The following PIEZO2 variants were observed in gnomAD, a reference collection of about 807,000 sequenced individuals.
PIEZO2 encodes the protein piezo type mechanosensitive ion channel component 2.
Under a neutral mutation model 337.3 loss-of-function variants are expected in PIEZO2, and 172 were observed. The observed-to-expected ratio is 0.51, with a 90% CI of 0.45 to 0.58. PIEZO2 has a LOEUF of 0.58. Ranked by LOEUF, PIEZO2 falls within the 20% of genes least tolerant of loss-of-function variation. The pLI is 0.00. For synonymous variants in PIEZO2, 1,251 were observed against 1,228.5 expected, an observed-to-expected ratio of 1.02 and a Z score of -0.38; for missense variants, 3,028 against 3,391.3, an observed-to-expected ratio of 0.89 and a Z score of 2.66.
At chr18:10,857,294 G>C in intron 5 of PIEZO2, 83 bp from the exon 6 acceptor site, 1 of 1,161,254 alleles carries the variant, frequency 8.6e-7, no homozygotes, top group Non-Finnish European at 1.2e-6. Context: ...TAATTCATGG[G>C]TCAGTCAACG....
chr18:10,705,204 G>A, intron 41 of PIEZO2, 132 bp downstream of exon 41: 1 of 1,200,600 alleles, frequency 8.3e-7, no homozygotes, highest in South Asian at 1.7e-5. Flanking sequence ...AGAAGTCTTG[G>A]AATTGTCTGT....
At chr18:10,852,820 G>A (rs1040825370) in intron 7 of PIEZO2, among the ~76,000 whole-genome samples, 1 of 152,160 alleles carries the variant, frequency 6.6e-6, no homozygotes, top group Non-Finnish European at 1.5e-5. Flanking sequence ...TAAGTGGTCA[G>A]GCATGAGTGG....
chr18:10,725,523 T>C, intron 36 of PIEZO2: 8 of 1,409,418 alleles, frequency 5.7e-6, no homozygotes, highest in Non-Finnish European at 6.7e-6. Flanking sequence ...CTGGGAGTCG[T>C]GGGAAGGAGG....
chr18:11,093,324 C>T (rs2039155237), intron 1 of PIEZO2, among the ~76,000 whole-genome samples: 1 of 152,192 alleles, frequency 6.6e-6, no homozygotes, highest in Admixed American at 6.5e-5. Flanking sequence ...TATCTTGAAG[C>T]AGTTCTAAAA....
At position 11,092,596 on chromosome 18, in the gene PIEZO2, G is replaced by C. The variant is rs2039128471; in HGVS notation, c.65-26374C>G. On this transcript the variant is annotated intron_variant, in intron 1 of 55. Coordinates refer to ENST00000674853, the MANE Select transcript of PIEZO2 (RefSeq NM_001378183.1). This position sits in a 1 kb window ranked among gnomAD's most constrained non-coding sequence, Gnocchi z 4.5. Reference sequence around the variant, plus strand: ...TTAAAATTCTTTTTTAAATTCCCTTGAAAAAACCTTAGACACAATTTTACA... The same window carrying C: ...TTAAAATTCTTTTTTAAATTCCCTTCAAAAAACCTTAGACACAATTTTACA... 6.6e-6 allele frequency among the ~76,000 whole-genome samples: 1 copy of C among 152,038 alleles called. No individual in the cohort carries two copies. Among genetic ancestry groups the C allele is most frequent in the African/African-American group, 2.4e-5 (1 of 41,398 alleles).
At position 10,813,289 on chromosome 18, in the gene PIEZO2, A is replaced by G. The variant is rs2040256812; in HGVS notation, c.918-6015T>C. 6.6e-6 allele frequency among the ~76,000 whole-genome samples: 1 copy of G among 152,162 alleles called. No homozygotes were observed. The highest frequency in any genetic ancestry group is 6.5e-5 in the Admixed American group (1 of 15,270). On this transcript the variant is annotated intron_variant, in intron 7 of 55. Transcript: ENST00000674853. This position sits in a 1 kb window ranked among gnomAD's most constrained non-coding sequence, Gnocchi z 4.2. The stretch of plus-strand genomic sequence containing the variant: ...CCACCGCGCCCGGGCCATTTTAAAC[A>G]TTTTTAAGAACACAGTTCAGTGGTA...
At chr18:11,138,110 C>T (rs1043820015) in intron 1 of PIEZO2, among the ~76,000 whole-genome samples, 5 of 152,150 alleles carry the variant, frequency 3.3e-5, no homozygotes, top group African/African-American at 1.2e-4. Context: ...TATTTTCAGA[C>T]TTCTGAGATG....
At chr18:10,911,735 C>CTTATTTTCTAGGTCTCA (rs1426599763) in intron 3 of PIEZO2, among the ~76,000 whole-genome samples, 1 of 145,166 alleles carries the variant, frequency 6.9e-6, no homozygotes, top group Admixed American at 7.1e-5. Context: ...GCCTGGGCGA[C>CTTATTTTCTAGGTCTCA]AAGAGCAAAA....
chr18:10,678,886 A>ATT (rs2034135807), intron 52 of PIEZO2, among the ~76,000 whole-genome samples: 1 of 149,108 alleles, frequency 6.7e-6, no homozygotes, highest in Non-Finnish European at 1.5e-5. Flanking sequence ...CTTCCCCAGT[A>ATT]TTGGTGGAAT....
At chr18:11,051,874 C>A (rs763065401) in intron 2 of PIEZO2, among the ~76,000 whole-genome samples, 7 of 152,172 alleles carry the variant, frequency 4.6e-5, no homozygotes, top group African/African-American at 1.7e-4. Flanking sequence ...AGCATCTATG[C>A]CAGCTTTGTG....
At chr18:10,705,799 G>A (rs934405076) in intron 40 of PIEZO2, 53 bp from the exon 41 acceptor site, 96 of 1,456,488 alleles carry the variant, frequency 6.6e-5, no homozygotes, top group Middle Eastern at 1.8e-4. Flanking sequence ...CCACACTCCT[G>A]GGGTTCTTTC....
intron 30 of PIEZO2, among the ~76,000 whole-genome samples, chr18:10,745,452 T>C (rs557820182): frequency 6.6e-6 from 1 of 152,252 alleles, no homozygotes; most frequent in South Asian, 2.1e-4. Flanking sequence ...TGCGGTCATG[T>C]CTCTAAGCCT....
At chr18:11,084,202 C>CAG (rs1351431278) in intron 1 of PIEZO2, among the ~76,000 whole-genome samples, 4 of 134,514 alleles carry the variant, frequency 3.0e-5, no homozygotes, top group African/African-American at 2.8e-5. Context: ...AAAAAAAAGA[C>CAG]AGAGAGAGAG....
At position 11,003,049 on chromosome 18, in the gene PIEZO2, T is replaced by C. The variant is rs559728173; in HGVS notation, c.161-23389A>G. ...CGTTGCATGAGGTCAAGGACAGCCTTAAGCACAAGGAGATTCTAACCTGGG... is the reference window on the plus strand; with the variant it reads ...CGTTGCATGAGGTCAAGGACAGCCTCAAGCACAAGGAGATTCTAACCTGGG... On this transcript the variant is annotated intron_variant, in intron 2 of 55. Coordinates refer to ENST00000674853, the MANE Select transcript of PIEZO2 (RefSeq NM_001378183.1). This position sits in a 1 kb window ranked among gnomAD's most constrained non-coding sequence, Gnocchi z 4.6. 4.6e-5 allele frequency among the ~76,000 whole-genome samples: 7 copies of C among 152,236 alleles called. No homozygotes were observed. In the East Asian group the frequency reaches 1.4e-3, roughly 29 times the overall value.
In PIEZO2 at chr18:10,746,526, C is replaced by T. The variant is rs1184732696; in HGVS notation, c.4424+1945G>A. On this transcript the variant is annotated intron_variant, in intron 30 of 55. Transcript: ENST00000674853. This position sits in a 1 kb window ranked among gnomAD's most constrained non-coding sequence, Gnocchi z 4.2. ...GCTGGTTATATTCCCTTGATGTGAC[C>T]TCATGGCTCCCGGAGTGTCTCCTAC... is the stretch of plus-strand genomic sequence containing the variant. Among the ~76,000 whole-genome samples the T allele has an allele frequency of 6.6e-6, 1 of 152,206 alleles. No homozygotes were observed. Among genetic ancestry groups the T allele is most frequent in the Non-Finnish European group, 1.5e-5 (1 of 68,048 alleles).
At chr18:10,990,677 T>C (rs1028318758) in intron 2 of PIEZO2, among the ~76,000 whole-genome samples, 3 of 151,436 alleles carry the variant, frequency 2.0e-5, no homozygotes, top group African/African-American at 7.3e-5. Flanking sequence ...TCAATATATG[T>C]ATATTATATA....
rs2036901392 is a variant in PIEZO2 at position 11,035,596 on chromosome 18, A to C, written c.160+30531T>G. Among the ~76,000 whole-genome samples the C allele has an allele frequency of 6.6e-6, 1 of 152,206 alleles. No individual in the cohort carries two copies. Among genetic ancestry groups the C allele is most frequent in the African/African-American group, 2.4e-5 (1 of 41,456 alleles). On this transcript the variant is annotated intron_variant, in intron 2 of 55. Transcript: ENST00000674853. The surrounding 1 kb of genome is among the most constrained non-coding windows in gnomAD (Gnocchi z 4.3). ...ATGCAATTTACTTGGCAGCTACCACACAAAGAGGATCTGCAGGCTAATTAT... is the reference window on the plus strand; with the variant it reads ...ATGCAATTTACTTGGCAGCTACCACCCAAAGAGGATCTGCAGGCTAATTAT...
intron 7 of PIEZO2, among the ~76,000 whole-genome samples, chr18:10,810,611 CA>C (rs1234836180): frequency 6.6e-6 from 1 of 152,182 alleles, no homozygotes; most frequent in African/African-American, 2.4e-5. Context: ...TTCTCCCAGA[CA>C]AAAACCTTGG....
In PIEZO2 at chr18:10,724,792, C is replaced by G; in HGVS notation, c.5030-6533G>C. 1 of 1,585,112 alleles carries G rather than the reference C, an allele frequency of 6.3e-7. No homozygotes were observed. Among genetic ancestry groups the G allele is most frequent in the Non-Finnish European group, 8.6e-7 (1 of 1,163,960 alleles). On this transcript the variant is annotated intron_variant, in intron 36 of 55. Transcript: ENST00000674853. The surrounding 1 kb of genome is among the most constrained non-coding windows in gnomAD (Gnocchi z 5.8). ...TCTGGCAGTCCCCCCAGCACTGCAG[C>G]CCCAGCCTGAGCAGCAGTCGTTCTC...
Sources: allele counts gnomAD v4.1 joint callset (sites outside exome capture counted in the v4.1 genomes callset), GRCh38; gene constraint gnomAD v4.1.1; non-coding constraint Gnocchi (gnomAD v3.1); transcripts MANE v1.5; gene names NCBI Gene and HGNC (gene_info 2026-07-23, HGNC 2026-07-21).